Variants in MAPKAP1 observed in about 807,000 individuals in gnomAD.
MAPKAP1 encodes the protein target of rapamycin complex 2 subunit MAPKAP1.
A neutral mutation model predicts 65.7 loss-of-function variants in MAPKAP1; 20 were observed. That is an observed-to-expected ratio of 0.30 (90% confidence interval 0.21 to 0.44). MAPKAP1 has a LOEUF of 0.44. Ranked by LOEUF, MAPKAP1 falls within the 20% of genes least tolerant of loss-of-function variation. The probability of loss-of-function intolerance (pLI) is 1.00; values close to 1 mark genes in which losing one functional copy is unlikely to be tolerated. For missense variants in MAPKAP1, 423 were observed against 648.0 expected (o/e 0.65, Z 3.77); for synonymous variants, 222 against 244.3 (o/e 0.91, Z 0.85).
chr9:125,512,528 A>G (rs1424338451), intron 7 of MAPKAP1, among the ~76,000 whole-genome samples: 3 of 152,056 alleles, frequency 2.0e-5, no homozygotes, highest in African/African-American at 7.2e-5. Context: ...TTGTCGTTTA[A>G]TCTTTATGTT....
At chr9:125,683,260 A>C (rs895991464) in intron 1 of MAPKAP1, among the ~76,000 whole-genome samples, 2 of 152,020 alleles carry the variant, frequency 1.3e-5, no homozygotes, top group African/African-American at 4.8e-5. Context: ...GCCTGGCTTA[A>C]ATTCTTGCCC....
chr9:125,634,492 A>T (rs146035765), intron 4 of MAPKAP1, among the ~76,000 whole-genome samples: 1,736 of 152,308 alleles, frequency 0.011, 16 homozygotes, highest in South Asian at 0.04. Context: ...CTTGTCATCA[A>T]ATTAGACTTG....
chr9:125,521,930 T>C (rs1829630327), intron 7 of MAPKAP1, among the ~76,000 whole-genome samples: 1 of 152,262 alleles, frequency 6.6e-6, no homozygotes, highest in Non-Finnish European at 1.5e-5. Context: ...ATCTGAAGAC[T>C]TTCATTCAAA....
At chr9:125,521,719 A>T in intron 7 of MAPKAP1, 1 of 1,612,250 alleles carries the variant, frequency 6.2e-7, no homozygotes, top group Non-Finnish European at 8.5e-7. Context: ...ATTTTCCTTA[A>T]CACAGCCTTG....
chr9:125,698,842 C>T (rs1354936367), intron 1 of MAPKAP1, among the ~76,000 whole-genome samples: 3 of 151,892 alleles, frequency 2.0e-5, no homozygotes, highest in Non-Finnish European at 4.4e-5. Context: ...AAACAGCATC[C>T]TAAAGTCCTT....
chr9:125,453,278 C>A (rs962362266), intron 10 of MAPKAP1, among the ~76,000 whole-genome samples: 1 of 152,240 alleles, frequency 6.6e-6, no homozygotes, highest in African/African-American at 2.4e-5. Flanking sequence ...GCTGGCAAGG[C>A]TGGTCTCGTA....
chr9:125,450,470 C>A (rs1234806323), intron 10 of MAPKAP1, among the ~76,000 whole-genome samples: 4 of 152,120 alleles, frequency 2.6e-5, no homozygotes, highest in Non-Finnish European at 5.9e-5. Flanking sequence ...TTTTACCATA[C>A]CCCTTTCCCT....
intron 11 of MAPKAP1, among the ~76,000 whole-genome samples, chr9:125,440,424 A>G (rs1309824833): frequency 6.6e-6 from 1 of 152,052 alleles, no homozygotes; most frequent in Admixed American, 6.5e-5. Flanking sequence ...AACAGACGCT[A>G]TTTCTCTTCA....
intron 11 of MAPKAP1, among the ~76,000 whole-genome samples, chr9:125,441,523 A>G (rs1412685747): frequency 6.6e-6 from 1 of 152,226 alleles, no homozygotes; most frequent in Non-Finnish European, 1.5e-5. Context: ...CTATTTCTAC[A>G]AGCGCAAAAA....
In MAPKAP1 at chr9:125,707,200, G is replaced by C; in HGVS notation, c.-299C>G. On this transcript the variant is annotated 5_prime_UTR_variant, in exon 1 of 12. Coordinates refer to ENST00000265960, the MANE Select transcript of MAPKAP1 (RefSeq NM_001006617.3). ...AGCAGCAGCCCTATTACCCCGAGCCGCACACGACCCGGAACCACACCCCGG... is the reference window on the plus strand; with the variant it reads ...AGCAGCAGCCCTATTACCCCGAGCCCCACACGACCCGGAACCACACCCCGG... 2.5e-6 allele frequency: 1 copy of C among 397,836 alleles called. No individual in the cohort carries two copies. Among genetic ancestry groups the C allele is most frequent in the Non-Finnish European group, 4.4e-6 (1 of 225,568 alleles). 24.6% of individuals were successfully genotyped at this position (397,836 alleles called of 1,614,324 possible).
chr9:125,694,752 A>T (rs997761423), intron 1 of MAPKAP1, among the ~76,000 whole-genome samples: 3 of 152,208 alleles, frequency 2.0e-5, no homozygotes, highest in Non-Finnish European at 4.4e-5. Flanking sequence ...CCAAGCACAG[A>T]CTAATGGACA....
intron 5 of MAPKAP1, among the ~76,000 whole-genome samples, chr9:125,584,206 A>G (rs1411510933): frequency 6.6e-6 from 1 of 152,120 alleles, no homozygotes; most frequent in Non-Finnish European, 1.5e-5. Flanking sequence ...TGACTGAACC[A>G]TTTTCTAAGC....
intron 3 of MAPKAP1, 130 bp downstream of exon 3, chr9:125,669,688 G>A: frequency 4.2e-6 from 2 of 480,666 alleles, no homozygotes; most frequent in Non-Finnish European, 7.3e-6. Context: ...AAGAGAAAGA[G>A]CTCAAAGCTC....
intron 4 of MAPKAP1, among the ~76,000 whole-genome samples, chr9:125,627,434 C>G (rs1229250572): frequency 1.3e-5 from 2 of 151,980 alleles, no homozygotes; most frequent in Admixed American, 1.3e-4. Context: ...ATATAGTGAA[C>G]CATATAAAGT....
At chr9:125,503,073 T>G (rs1312809738) in intron 8 of MAPKAP1, among the ~76,000 whole-genome samples, 1 of 152,220 alleles carries the variant, frequency 6.6e-6, no homozygotes, top group Non-Finnish European at 1.5e-5. Flanking sequence ...CAGATTTCAG[T>G]TGCTATTTGC....
intron 9 of MAPKAP1, among the ~76,000 whole-genome samples, chr9:125,479,201 T>C (rs981519501): frequency 6.6e-6 from 1 of 152,260 alleles, no homozygotes; most frequent in Non-Finnish European, 1.5e-5. Context: ...AACTGCTTTG[T>C]AAAAATTCTA....
At chr9:125,556,243 T>TAAGGGC (rs1299984447) in intron 6 of MAPKAP1, among the ~76,000 whole-genome samples, 1 of 152,194 alleles carries the variant, frequency 6.6e-6, no homozygotes, top group Non-Finnish European at 1.5e-5. Flanking sequence ...CACACACTAG[T>TAAGGGC]AAGGGCAAGG....
chr9:125,543,050 C>A lies in MAPKAP1; in HGVS notation c.958+9G>T. ...CTACTACTGTGAGAATATGATTTAACTATCCCACCTGAAACTTTCTGGGAT... is the reference window on the plus strand; with the variant it reads ...CTACTACTGTGAGAATATGATTTAAATATCCCACCTGAAACTTTCTGGGAT... On this transcript the variant is annotated intron_variant, in intron 7 of 11. Coordinates refer to ENST00000265960, the MANE Select transcript of MAPKAP1 (RefSeq NM_001006617.3). 1.3e-6 allele frequency: 2 copies of A among 1,560,194 alleles called. No homozygotes were observed. Among genetic ancestry groups the A allele is most frequent in the Non-Finnish European group, 1.8e-6 (2 of 1,130,772 alleles).
intron 7 of MAPKAP1, among the ~76,000 whole-genome samples, chr9:125,529,408 C>T (rs1034214279): frequency 1.3e-5 from 2 of 151,374 alleles, no homozygotes; most frequent in East Asian, 3.9e-4. Context: ...TTCAGACACA[C>T]TGTACCTGAG....
Sources: gnomAD v4.1 joint callset for allele counts (sites outside exome capture counted in the v4.1 genomes callset) on GRCh38, gnomAD v4.1.1 for gene constraint, MANE v1.5 for transcripts, NCBI Gene and HGNC (gene_info 2026-07-23, HGNC 2026-07-21) for gene names.